The following SGSM1 variants were observed in gnomAD, a reference collection of about 807,000 sequenced individuals.
SGSM1 encodes the protein small G protein signaling modulator 1, also known as RUN and TBC1 domain containing 2.
A neutral mutation model predicts 133.8 loss-of-function variants in SGSM1; 73 were observed. That is an observed-to-expected ratio of 0.55 (90% CI 0.45 to 0.66). SGSM1 has a LOEUF of 0.66. Among genes scored for constraint, SGSM1 ranks in the 30% least tolerant of loss-of-function variants. SGSM1 has a pLI of 0.00. For synonymous variants in SGSM1, 563 were observed against 573.0 expected, an observed-to-expected ratio of 0.98 and a Z score of 0.25; for missense variants, 1,213 against 1,448.1, an observed-to-expected ratio of 0.84 and a Z score of 2.64.
Position 24,867,157 on chromosome 22 carries a change from C to A in SGSM1, c.991C>A (p.Gln331Lys). Residue 331 changes from glutamine (Q) to lysine (K), a missense_variant, in exon 10 of 25, where the codon CAA becomes AAA. Coordinates refer to ENST00000400358, the MANE Select transcript of SGSM1 (RefSeq NM_001098497.3). ...GATTGTCTACCTGCACTGCCACCAGCAAGGTAGGGACTGTGGGGACAGGAG... is the reference window on the plus strand; with the variant it reads ...GATTGTCTACCTGCACTGCCACCAGAAAGGTAGGGACTGTGGGGACAGGAG... ...EEIVYLHCHQ[Q>K]VDSGGTVVLV... 2 of 1,613,720 alleles carry A rather than the reference C, an allele frequency of 1.2e-6. No homozygotes were observed. Among genetic ancestry groups the A allele is most frequent in the Non-Finnish European group, 1.7e-6 (2 of 1,179,808 alleles).
chr22:24,817,679 T>C (rs1928183705), intron 2 of SGSM1, among the ~76,000 whole-genome samples: 1 of 149,806 alleles, frequency 6.7e-6, no homozygotes, highest in East Asian at 2.1e-4. Context: ...CGTCAGGACC[T>C]CTAAGCAATC....
Position 24,893,623 on chromosome 22 carries a change from G to T in SGSM1, c.1953+10G>T. Reference sequence around the variant, plus strand: ...AACCATCAGCAATGAGGTGATGGGCGGCTGGCCTCGGGGAGCGCGGGGGCT... The same window carrying T: ...AACCATCAGCAATGAGGTGATGGGCTGCTGGCCTCGGGGAGCGCGGGGGCT... On this transcript the variant is annotated intron_variant, in intron 17 of 24. Coordinates refer to ENST00000400358, the MANE Select transcript of SGSM1 (RefSeq NM_001098497.3). 1 of 1,549,884 alleles carries T rather than the reference G, an allele frequency of 6.5e-7. No individual in the cohort carries two copies. The highest frequency in any genetic ancestry group is 1.3e-5 in the South Asian group (1 of 79,732).
rs143521945 is a variant in SGSM1 at position 24,898,432 on chromosome 22, C to T, written c.2483C>T (p.Ala828Val). 100 of 1,613,714 alleles carry T rather than the reference C, an allele frequency of 6.2e-5. No individual in the cohort carries two copies. The African/African-American group carries it at 1.0e-3, about 16-fold the overall frequency. ...AGCGAGACAGAGAAACATGGCCAGG[C>T]GGACAGTGAGGACAACCTCTCGGAG... ...RSSETEKHGQADSEDNLSEEP... is the reference protein window; with the variant it reads ...RSSETEKHGQVDSEDNLSEEP... The change falls in exon 19 of 25, where the codon GCG becomes GTG. Residue 828 changes from alanine to valine, a missense_variant. Physicochemically the swap from Ala to Val is moderately conservative, Grantham distance 64 (BLOSUM62 0). Coordinates refer to ENST00000400358, the MANE Select transcript of SGSM1 (RefSeq NM_001098497.3).
chr22:24,871,059 T>C (rs543915856), intron 12 of SGSM1, among the ~76,000 whole-genome samples: 1 of 152,328 alleles, frequency 6.6e-6, no homozygotes, highest in Admixed American at 6.5e-5. Context: ...ACCTTAGCGT[T>C]ACTGTCATTT....
At chr22:24,910,981 G>A (rs1433939928) in intron 21 of SGSM1, among the ~76,000 whole-genome samples, 10 of 152,068 alleles carry the variant, frequency 6.6e-5, no homozygotes, top group African/African-American at 2.4e-4. Context: ...TAGGCAAGGC[G>A]TGGTGGCTCA....
rs572628934 is a variant in SGSM1 at position 24,818,790 on chromosome 22, A to G, written c.63+12306A>G. Among the ~76,000 whole-genome samples the G allele has an allele frequency of 3.3e-4, 51 of 152,294 alleles. 1 individual carries two copies. In the South Asian group the frequency reaches 0.011, roughly 32 times the overall value. ...ACGGTTTCCTGTCCTCAGTGTGCCC[A>G]GAAATGAACTGGTACCTCTTAGTTT... On this transcript the variant is annotated intron_variant, in intron 2 of 24. Coordinates refer to ENST00000400358, the MANE Select transcript of SGSM1 (RefSeq NM_001098497.3).
In SGSM1 at chr22:24,884,110, A is replaced by G. The variant is rs757214875; in HGVS notation, c.1553A>G (p.Asn518Ser). 9 of 1,613,706 alleles carry G rather than the reference A, an allele frequency of 5.6e-6. No homozygotes were observed. Among genetic ancestry groups the G allele is most frequent in the African/African-American group, 4.0e-5 (3 of 74,916 alleles). ...AGAACCCACCTATCAGCCCTGGTCAATCACATGATCGTGTCTCCAGACTTG... is the reference window on the plus strand; with the variant it reads ...AGAACCCACCTATCAGCCCTGGTCAGTCACATGATCGTGTCTCCAGACTTG... Reference protein sequence around the residue: ...TVRTHLSALVNHMIVSPDLPC... With the variant: ...TVRTHLSALVSHMIVSPDLPC... Residue 518 changes from asparagine (N) to serine (S), a missense_variant, in exon 15 of 25, where the codon AAT (asparagine) becomes AGT (serine). Transcript: ENST00000400358.
intron 14 of SGSM1, among the ~76,000 whole-genome samples, chr22:24,883,012 C>T (rs1475830452): frequency 6.6e-6 from 1 of 151,976 alleles, no homozygotes; most frequent in African/African-American, 2.4e-5. Flanking sequence ...ATTCTCCTGC[C>T]TCAGCCTCCG....
chr22:24,853,769 A>ATTTTTTTTTTTTTTTTTT (rs57736929), intron 5 of SGSM1, among the ~76,000 whole-genome samples: 1 of 123,438 alleles, frequency 8.1e-6, no homozygotes, highest in Non-Finnish European at 1.6e-5. Context: ...CGCCTGGTGA[A>ATTTTTTTTTTTTTTTTTT]TTTTTTTTTT....
At chr22:24,884,031 C>G in intron 14 of SGSM1, 22 bp from the exon 15 acceptor site, 1 of 1,582,180 alleles carries the variant, frequency 6.3e-7, no homozygotes, top group Non-Finnish European at 8.6e-7. Context: ...GATGATGACA[C>G]TTTCCCTCCC....
chr22:24,890,410 G>A (rs1436908701), intron 16 of SGSM1, among the ~76,000 whole-genome samples: 1 of 149,404 alleles, frequency 6.7e-6, no homozygotes, highest in Non-Finnish European at 1.5e-5. Context: ...TTCCCCAGTG[G>A]TAACAGTTTA....
intron 2 of SGSM1, chr22:24,843,409 G>C (rs930015989): frequency 1.3e-5 from 2 of 153,122 alleles, no homozygotes; most frequent in Non-Finnish European, 2.9e-5. Flanking sequence ...GGAGGGCCTG[G>C]GACAGCTCTC....
intron 17 of SGSM1, among the ~76,000 whole-genome samples, chr22:24,894,433 T>A (rs2123696310): frequency 6.6e-6 from 1 of 152,316 alleles, no homozygotes; most frequent in African/African-American, 2.4e-5. Context: ...ATATCAGTCA[T>A]CAATTGCCAC....
chr22:24,877,476 A>T (rs1334017828), intron 13 of SGSM1, among the ~76,000 whole-genome samples: 1 of 152,090 alleles, frequency 6.6e-6, no homozygotes, highest in Non-Finnish European at 1.5e-5. Context: ...CAGCCAATTC[A>T]TGAGACTGAT....
intron 2 of SGSM1, among the ~76,000 whole-genome samples, chr22:24,840,919 C>T (rs541478202): frequency 6.6e-5 from 10 of 152,264 alleles, no homozygotes; most frequent in Non-Finnish European, 1.2e-4. Flanking sequence ...GGCGCTATCT[C>T]GGCTCACTGC....
Position 24,826,980 on chromosome 22 carries a change from C to G in SGSM1, c.64-17917C>G, listed in dbSNP as rs186081432. Among the ~76,000 whole-genome samples the G allele has an allele frequency of 3.9e-4, 59 of 152,216 alleles. No homozygotes were observed. In the Middle Eastern group the frequency reaches 0.027, roughly 70 times the overall value. On this transcript the variant is annotated intron_variant, in intron 2 of 24. Coordinates refer to ENST00000400358, the MANE Select transcript of SGSM1 (RefSeq NM_001098497.3). Reference sequence around the variant, plus strand: ...GGAGACTGACCTGTTTATGTTTTTACCCCCCTAGAGTGCCTCCCTTGATCT... The same window carrying G: ...GGAGACTGACCTGTTTATGTTTTTAGCCCCCTAGAGTGCCTCCCTTGATCT...
intron 21 of SGSM1, among the ~76,000 whole-genome samples, chr22:24,907,296 T>C (rs1933422700): frequency 1.4e-5 from 2 of 144,654 alleles, no homozygotes; most frequent in Non-Finnish European, 3.1e-5. Context: ...AATAAATAAA[T>C]AAATAAATAA....
rs577514815 is a variant in SGSM1 at position 24,854,560 on chromosome 22, C to T, written c.456-436C>T. On this transcript the variant is annotated intron_variant, in intron 5 of 24. Coordinates refer to ENST00000400358, the MANE Select transcript of SGSM1 (RefSeq NM_001098497.3). ...CTTACAGGTGGCTTATGCCTGTAAT[C>T]CCAGTGCTTTGGAGGCCAAGGTGGT... is the stretch of plus-strand genomic sequence containing the variant. 1.8e-3 allele frequency among the ~76,000 whole-genome samples: 280 copies of T among 152,322 alleles called. 1 individual carries two copies. Among genetic ancestry groups the T allele is most frequent in the African/African-American group, 6.3e-3 (262 of 41,574 alleles).
chr22:24,866,179 T>G (rs369821546), intron 9 of SGSM1, among the ~76,000 whole-genome samples: 1 of 152,310 alleles, frequency 6.6e-6, no homozygotes, highest in Non-Finnish European at 1.5e-5. Context: ...ATGGAAACAC[T>G]TAAATAATCA....
Sources: allele counts gnomAD v4.1 joint callset (sites outside exome capture counted in the v4.1 genomes callset), GRCh38; gene constraint gnomAD v4.1.1; transcripts MANE v1.5; gene names NCBI Gene and HGNC (gene_info 2026-07-23, HGNC 2026-07-21).